FBLN2: variants seen among roughly 807,000 people sequenced by gnomAD.
FBLN2 encodes fibulin 2.
In FBLN2, 81 loss-of-function variants were observed where a neutral mutation model predicts 123.7. The ratio of observed to expected loss-of-function variants is 0.65; its 90% CI spans 0.55 to 0.79. The LOEUF (loss-of-function observed/expected upper bound fraction) is 0.79, where lower values mean the gene tolerates loss of function less well. Among genes scored for constraint, FBLN2 ranks in the 30% least tolerant of loss-of-function variants. The pLI is 0.00. For missense variants in FBLN2, 1,603 were observed against 1,681.3 expected (o/e 0.95, Z 0.81); for synonymous variants, 699 against 701.4 (o/e 1.00, Z 0.05).
chr3:13,612,537 C>T (rs55893475), intron 4 of FBLN2, among the ~76,000 whole-genome samples: 5,633 of 151,906 alleles, frequency 0.037, 369 homozygotes, highest in African/African-American at 0.13. Context: ...CCCGCCACCA[C>T]GCCCGGCTGA....
chr3:13,617,422 T>C (rs1406035407), intron 5 of FBLN2, among the ~76,000 whole-genome samples: 3 of 133,842 alleles, frequency 2.2e-5, no homozygotes, highest in Admixed American at 7.4e-5. Flanking sequence ...ACTCATCCAT[T>C]CATCTACCCA....
chr3:13,562,838 T>C (rs1703649754), intron 1 of FBLN2, among the ~76,000 whole-genome samples: 1 of 152,220 alleles, frequency 6.6e-6, no homozygotes, highest in Non-Finnish European at 1.5e-5. Flanking sequence ...TTTCTGTCTC[T>C]GAATTTGATG....
chr3:13,618,297 G>C lies in FBLN2; in HGVS notation c.1939+12G>C. 2 of 1,613,396 alleles carry C rather than the reference G, an allele frequency of 1.2e-6. No homozygotes were observed. The highest frequency in any genetic ancestry group is 1.7e-6 in the Non-Finnish European group (2 of 1,179,704). On this transcript the variant is annotated intron_variant, in intron 6 of 17. Transcript: ENST00000404922. ...CACTTGCCGCCCAGGTAAGGGCCCT[G>C]ATGGCCAGGGCAGGGGCTATGGGAA...
chr3:13,596,885 A>ATTTGTTTT (rs1704859691), intron 2 of FBLN2, among the ~76,000 whole-genome samples: 1 of 151,482 alleles, frequency 6.6e-6, no homozygotes, highest in African/African-American at 2.4e-5. Context: ...TAAAAAATAA[A>ATTTGTTTT]TTAGTTTTTT....
intron 2 of FBLN2, among the ~76,000 whole-genome samples, chr3:13,596,782 G>GA (rs150691852): frequency 0.073 from 11,022 of 151,796 alleles, 427 homozygotes; most frequent in East Asian, 0.14. Context: ...CTACTCTAAG[G>GA]ACCCCATACA....
At chr3:13,626,335 G>C in intron 9 of FBLN2, 110 bp from the exon 10 acceptor site, 1 of 1,177,874 alleles carries the variant, frequency 8.5e-7, no homozygotes, top group Non-Finnish European at 1.2e-6. Flanking sequence ...TGAGCTCCCT[G>C]AGGGCAGGGC....
rs2124823491 is a variant in FBLN2, at chr3:13,570,814, C to T, written c.459C>T (p.His153=). Residue 153 remains histidine (H), a synonymous_variant, in exon 2 of 18, where the codon CAC becomes CAT. Coordinates refer to ENST00000404922, the MANE Select transcript of FBLN2 (RefSeq NM_001004019.2). ...AGTACGCCGCTGGCCACACTGTTCA[C>T]CTGCCGCCCTGCCGGGCCTGCCACT... The part of the protein sequence containing the change: ...GHKYAAGHTV[H]LPPCRACHCP... 1 of 1,594,614 alleles carries T rather than the reference C, an allele frequency of 6.3e-7. No homozygotes were observed. Among genetic ancestry groups the T allele is most frequent in the Non-Finnish European group, 8.5e-7 (1 of 1,171,918 alleles).
chr3:13,593,925 T>G (rs946616425), intron 2 of FBLN2, among the ~76,000 whole-genome samples: 14 of 152,154 alleles, frequency 9.2e-5, no homozygotes, highest in African/African-American at 3.4e-4. Context: ...CTTAAGCCAG[T>G]GTACCTCGTC....
At chr3:13,612,350 T>TCTGTCTGTC (rs1705431246) in intron 4 of FBLN2, among the ~76,000 whole-genome samples, 1 of 136,650 alleles carries the variant, frequency 7.3e-6, no homozygotes, top group African/African-American at 3.0e-5. Context: ...TTTTCTTTCT[T>TCTGTCTGTC]TTTCTTTCTG....
chr3:13,620,472 T>A (rs552642626), intron 8 of FBLN2, among the ~76,000 whole-genome samples: 188 of 152,264 alleles, frequency 1.2e-3, no homozygotes, highest in African/African-American at 4.3e-3. Context: ...CTGGTGATGA[T>A]TAGCTGTCCA....
chr3:13,601,446 A>G (rs1878173), intron 2 of FBLN2, among the ~76,000 whole-genome samples: 85,699 of 152,012 alleles, frequency 0.56, 24,536 homozygotes, highest in African/African-American at 0.65. Flanking sequence ...ACTCTCAGTG[A>G]CCACAGAGAC....
intron 2 of FBLN2, among the ~76,000 whole-genome samples, chr3:13,607,032 G>C (rs1313207165): frequency 2.0e-5 from 3 of 151,778 alleles, no homozygotes; most frequent in Non-Finnish European, 4.4e-5. Context: ...CTGTCACCCA[G>C]GCTGGAGTGC....
In FBLN2 at chr3:13,618,953, A is replaced by C. The variant is rs771416532; in HGVS notation, c.1989A>C (p.Ser663=). ...PEAPQEPALK[S]EFSQVASNTI... ...CCCCACAGGAGCCTGCACTGAAGTC[A>C]GAATTTTCCCAGGTGGCCTCTAACA... Residue 663 remains serine (S), a synonymous_variant, in exon 7 of 18, where the codon TCA becomes TCC. Transcript: ENST00000404922. The C allele has an allele frequency of 3.1e-6, 5 of 1,613,402 alleles. No homozygotes were observed.
intron 14 of FBLN2, among the ~76,000 whole-genome samples, chr3:13,630,199 G>A (rs1706208669): frequency 6.6e-6 from 1 of 152,214 alleles, no homozygotes; most frequent in African/African-American, 2.4e-5. Context: ...AGTCCAGAGA[G>A]GCTGGGTCTC....
intron 8 of FBLN2, among the ~76,000 whole-genome samples, chr3:13,621,075 C>T (rs532371923): frequency 7.9e-5 from 12 of 152,334 alleles, no homozygotes; most frequent in African/African-American, 2.9e-4. Context: ...GGCCCCTCTG[C>T]CTGTGCTGCT....
intron 2 of FBLN2, among the ~76,000 whole-genome samples, chr3:13,597,766 G>A (rs62232963): frequency 0.059 from 8,946 of 152,336 alleles, 374 homozygotes; most frequent in Non-Finnish European, 0.085. Flanking sequence ...GCCACTTGGC[G>A]TGGGAACAGC....
intron 4 of FBLN2, among the ~76,000 whole-genome samples, chr3:13,611,483 G>A (rs562754526): frequency 6.6e-6 from 1 of 152,200 alleles, no homozygotes; most frequent in Non-Finnish European, 1.5e-5. Flanking sequence ...GTCTCTGTGG[G>A]TTTGACTCCT....
chr3:13,606,004 C>T (rs1462589100), intron 2 of FBLN2, among the ~76,000 whole-genome samples: 1 of 152,140 alleles, frequency 6.6e-6, no homozygotes, highest in Non-Finnish European at 1.5e-5. Context: ...CTCACTGCAA[C>T]CTCCAACCCC....
At chr3:13,592,371 C>T (rs192024891) in intron 2 of FBLN2, among the ~76,000 whole-genome samples, 1 of 152,250 alleles carries the variant, frequency 6.6e-6, no homozygotes, top group East Asian at 1.9e-4. Context: ...TATCTTTGCA[C>T]CATTACCACT....
Sources: gnomAD v4.1 joint callset for allele counts (sites outside exome capture counted in the v4.1 genomes callset) on GRCh38, gnomAD v4.1.1 for gene constraint, MANE v1.5 for transcripts, NCBI Gene and HGNC (gene_info 2026-07-23, HGNC 2026-07-21) for gene names.